The following SYCP1 variants were observed in gnomAD, a reference collection of about 807,000 sequenced individuals.
The protein encoded by SYCP1 is synaptonemal complex protein 1, also known as cancer/testis antigen 8.
In SYCP1, 64 loss-of-function variants were observed where a neutral mutation model predicts 153.1. The observed-to-expected ratio is 0.42, with a 90% CI of 0.34 to 0.51. The LOEUF (loss-of-function observed/expected upper bound fraction) is 0.51, where lower values mean the gene tolerates loss of function less well. Ranked by LOEUF, SYCP1 falls within the 20% of genes least tolerant of loss-of-function variation. SYCP1 has a pLI of 0.06. For synonymous variants in SYCP1, 384 were observed against 341.8 expected (o/e 1.12, Z -1.36); for missense variants, 997 against 1,049.0 (o/e 0.95, Z 0.68).
At chr1:114,925,054 C>T (rs1669167973) in intron 21 of SYCP1, among the ~76,000 whole-genome samples, 1 of 151,986 alleles carries the variant, frequency 6.6e-6, no homozygotes, top group African/African-American at 2.4e-5. Context: ...AATCAGACCT[C>T]CAAAGGATAA....
intron 27 of SYCP1, among the ~76,000 whole-genome samples, chr1:114,962,544 G>T (rs974536243): frequency 2.6e-5 from 4 of 152,104 alleles, no homozygotes; most frequent in Non-Finnish European, 5.9e-5. Context: ...TTAAGTTTAT[G>T]TGAGTCTGTA....
chr1:114,874,518 G>A lies in SYCP1; in HGVS notation c.611G>A (p.Arg204Gln), dbSNP rs752873528. The change falls in exon 9 of 32, where the codon CGG becomes CAG. Residue 204 changes from arginine to glutamine, a missense_variant. Physicochemically the swap from Arg to Gln is conservative, Grantham distance 43. This residue lies in a region of SYCP1 where 285 missense variants were observed against 366.1 expected (regional missense o/e 0.78). Coordinates refer to ENST00000369522, the MANE Select transcript of SYCP1 (RefSeq NM_003176.4). ...AEKTKKYEYE[R>Q]EETRQVYMDL... ...ATATTAACAATAGATGAATATGAACGGGAAGAAACCAGGCAAGTTTATATG... is the reference window on the plus strand; with the variant it reads ...ATATTAACAATAGATGAATATGAACAGGAAGAAACCAGGCAAGTTTATATG... 12 of 1,564,862 alleles carry A rather than the reference G, an allele frequency of 7.7e-6. No individual in the cohort carries two copies. The highest frequency in any genetic ancestry group is 2.3e-5 in the East Asian group (1 of 44,054).
intron 16 of SYCP1, among the ~76,000 whole-genome samples, chr1:114,901,777 G>GA (rs1356246656): frequency 6.6e-6 from 1 of 152,208 alleles, no homozygotes; most frequent in African/African-American, 2.4e-5. Context: ...TATAAATAGT[G>GA]ATCCCCATCA....
Position 114,981,332 on chromosome 1 carries a change from G to A in SYCP1, c.2383-4G>A. On this transcript the variant is annotated splice_region_variant and splice_polypyrimidine_tract_variant and intron_variant, in intron 28 of 31. Coordinates refer to ENST00000369522, the MANE Select transcript of SYCP1 (RefSeq NM_003176.4). ...GTTTTATTCATTCTTGTTGTTCAAT[G>A]CAGAAAACACAAACATTTTTATTGG... 1 of 1,578,370 alleles carries A rather than the reference G, an allele frequency of 6.3e-7. No homozygotes were observed. The highest frequency in any genetic ancestry group is 8.6e-7 in the Non-Finnish European group (1 of 1,164,280).
chr1:114,889,521 A>G (rs886673253), intron 15 of SYCP1, among the ~76,000 whole-genome samples: 1 of 152,132 alleles, frequency 6.6e-6, no homozygotes, highest in Non-Finnish European at 1.5e-5. Context: ...GTGTCTGTTC[A>G]TATCCTCTGC....
chr1:114,992,365 T>C (rs1432770892), intron 30 of SYCP1, among the ~76,000 whole-genome samples: 1 of 151,292 alleles, frequency 6.6e-6, no homozygotes, highest in Admixed American at 6.6e-5. Flanking sequence ...AAGGATAGAG[T>C]TGGAGGACTC....
chr1:114,963,216 C>T (rs1671892830), intron 27 of SYCP1, among the ~76,000 whole-genome samples: 1 of 152,084 alleles, frequency 6.6e-6, no homozygotes, highest in Admixed American at 6.5e-5. Flanking sequence ...ATGTCTAGAT[C>T]TCTAGCAAGG....
At chr1:114,967,190 C>T (rs186762849) in intron 27 of SYCP1, among the ~76,000 whole-genome samples, 3 of 152,136 alleles carry the variant, frequency 2.0e-5, no homozygotes, top group Non-Finnish European at 4.4e-5. Flanking sequence ...TCTATTAGGT[C>T]TGTTTGGTCC....
intron 27 of SYCP1, among the ~76,000 whole-genome samples, chr1:114,973,345 C>T (rs993519553): frequency 3.9e-5 from 6 of 151,952 alleles, no homozygotes; most frequent in African/African-American, 1.4e-4. Context: ...TTTCTCCAAT[C>T]GAGAGAGACC....
intron 23 of SYCP1, among the ~76,000 whole-genome samples, chr1:114,932,911 G>A (rs1669735982): frequency 6.6e-6 from 1 of 152,194 alleles, no homozygotes. Flanking sequence ...CTCGAACTGG[G>A]TGGAACCCAC....
chr1:114,986,031 T>C (rs1479427610), intron 30 of SYCP1, among the ~76,000 whole-genome samples: 2 of 151,958 alleles, frequency 1.3e-5, no homozygotes, highest in East Asian at 3.9e-4. Context: ...CTAGAGATGA[T>C]TAAAGTATAC....
At chr1:114,922,440 G>T (rs1668955764) in intron 20 of SYCP1, among the ~76,000 whole-genome samples, 1 of 152,118 alleles carries the variant, frequency 6.6e-6, no homozygotes, top group Non-Finnish European at 1.5e-5. Flanking sequence ...CAGCTTCTTG[G>T]AAGGCCTTAG....
chr1:114,924,681 T>C (rs1474281930), intron 21 of SYCP1, among the ~76,000 whole-genome samples: 1 of 152,130 alleles, frequency 6.6e-6, no homozygotes, highest in East Asian at 1.9e-4. Flanking sequence ...TTTAAGTAAC[T>C]ACAAAAAATT....
chr1:114,986,544 C>T (rs932206992), intron 30 of SYCP1, among the ~76,000 whole-genome samples: 3 of 152,102 alleles, frequency 2.0e-5, no homozygotes, highest in Middle Eastern at 3.4e-3. Context: ...GAATTGCACA[C>T]AATTGTTCAA....
At chr1:114,861,522 A>G (rs7555977) in intron 8 of SYCP1, among the ~76,000 whole-genome samples, 6,912 of 152,162 alleles carry the variant, frequency 0.045, 192 homozygotes, top group Middle Eastern at 0.075. Flanking sequence ...AATTTGTATC[A>G]TACAGCTTAC....
At chr1:114,935,040 C>T (rs1669901879) in intron 23 of SYCP1, among the ~76,000 whole-genome samples, 1 of 152,172 alleles carries the variant, frequency 6.6e-6, no homozygotes, top group Non-Finnish European at 1.5e-5. Context: ...TTGAACTCAG[C>T]TCTGCACCAA....
intron 17 of SYCP1, among the ~76,000 whole-genome samples, chr1:114,911,040 A>G (rs1668140977): frequency 6.6e-6 from 1 of 152,038 alleles, no homozygotes; most frequent in African/African-American, 2.4e-5. Context: ...ATTTTAAAGT[A>G]TGTTTCCAGT....
chr1:114,858,672 G>C lies in SYCP1; in HGVS notation c.417G>C (p.Lys139Asn). Residue 139 changes from lysine (K) to asparagine (N), a missense_variant, in exon 6 of 32, where the codon AAG becomes AAC. Lys to Asn is a moderately conservative substitution (Grantham distance 94, BLOSUM62 0). Transcript: ENST00000369522. ...QKESKLQENR[K>N]IIEAQRKAIQ... is the part of the protein sequence containing the mutation. ...AAAGTAAGTTGCAAGAAAACAGAAA[G>C]ATAATTGAAGCACAGCGAAAAGCCA... 6.2e-7 allele frequency: 1 copy of C among 1,612,296 alleles called. No individual in the cohort carries two copies. The highest frequency in any genetic ancestry group is 8.5e-7 in the Non-Finnish European group (1 of 1,179,318).
chr1:114,890,938 T>C (rs1666664445), intron 15 of SYCP1, among the ~76,000 whole-genome samples: 1 of 152,160 alleles, frequency 6.6e-6, no homozygotes, highest in Non-Finnish European at 1.5e-5. Flanking sequence ...AGGATGCATG[T>C]AAAGAACATA....
Sources: gnomAD v4.1 joint callset for allele counts (sites outside exome capture counted in the v4.1 genomes callset) on GRCh38, gnomAD v4.1.1 for gene constraint, gnomAD v4.1.1 regional missense constraint, MANE v1.5 for transcripts, NCBI Gene and HGNC (gene_info 2026-07-23, HGNC 2026-07-21) for gene names.